The following MAP3K5 variants were observed in gnomAD, a reference collection of about 807,000 sequenced individuals.
MAP3K5 encodes the protein mitogen-activated protein kinase kinase kinase 5.
Under a neutral mutation model 158.7 loss-of-function variants are expected in MAP3K5, and 56 were observed. The observed-to-expected ratio is 0.35, with a 90% CI of 0.28 to 0.44. The LOEUF (loss-of-function observed/expected upper bound fraction) is 0.44, where lower values mean the gene tolerates loss of function less well. Among genes scored for constraint, MAP3K5 ranks in the 20% least tolerant of loss-of-function variants. The probability of loss-of-function intolerance (pLI) is 1.00; values close to 1 mark genes in which losing one functional copy is unlikely to be tolerated. For synonymous variants in MAP3K5, 579 were observed against 601.7 expected (o/e 0.96, Z 0.55); for missense variants, 1,294 against 1,674.8 (o/e 0.77, Z 3.97).
At chr6:136,678,193 G>A (rs1260676049) in intron 7 of MAP3K5, among the ~76,000 whole-genome samples, 2 of 151,876 alleles carry the variant, frequency 1.3e-5, no homozygotes, top group Non-Finnish European at 2.9e-5. Flanking sequence ...GAATTAAACA[G>A]GAAAAATAAA....
chr6:136,641,922 A>C (rs572531866), intron 12 of MAP3K5, among the ~76,000 whole-genome samples: 2 of 151,554 alleles, frequency 1.3e-5, no homozygotes, highest in East Asian at 3.9e-4. Context: ...TGGGAGGCGG[A>C]GGTTGCAGTG....
At chr6:136,701,837 A>C (rs1378812390) in intron 3 of MAP3K5, among the ~76,000 whole-genome samples, 1 of 152,246 alleles carries the variant, frequency 6.6e-6, no homozygotes, top group Non-Finnish European at 1.5e-5. Flanking sequence ...TCAGAGTTTT[A>C]GCTGCTGGAT....
chr6:136,565,579 A>G (rs1421003603), intron 26 of MAP3K5, among the ~76,000 whole-genome samples: 1 of 152,208 alleles, frequency 6.6e-6, no homozygotes, highest in South Asian at 2.1e-4. Context: ...ATCAGTGATC[A>G]TCCTAAATAT....
At chr6:136,605,425 G>A in intron 18 of MAP3K5, 59 bp from the exon 19 acceptor site, 1 of 1,425,578 alleles carries the variant, frequency 7.0e-7, no homozygotes, top group Non-Finnish European at 9.5e-7. Flanking sequence ...GGTATCTAAT[G>A]ACAGTTTTTC....
chr6:136,644,947 C>T (rs1778174806), intron 11 of MAP3K5, among the ~76,000 whole-genome samples: 1 of 152,088 alleles, frequency 6.6e-6, no homozygotes, highest in South Asian at 2.1e-4. Flanking sequence ...AATCACCCCA[C>T]CTCAAAATTT....
chr6:136,562,566 G>T lies in MAP3K5; in HGVS notation c.3811C>A (p.His1271Asn). 1 of 1,604,830 alleles carries T rather than the reference G, an allele frequency of 6.2e-7. No homozygotes were observed. The highest frequency in any genetic ancestry group is 8.5e-7 in the Non-Finnish European group (1 of 1,175,660). The change falls in exon 27 of 30, where the codon CAT (histidine) becomes AAT (asparagine). Residue 1271 changes from histidine to asparagine, a missense_variant. Around this residue, in one of 5 missense-constraint regions of MAP3K5, gnomAD observed 199 missense variants for 220.3 expected, o/e 0.90. Transcript: ENST00000359015. ...RKEKELQALL[H>N]RAIEEKDQEI... ...TGGTCTTTTTCTTCAATAGCTCGAT[G>T]AAGGAGTGCTTGTAATTCTTTCTCT... is the stretch of plus-strand genomic sequence containing the variant.
At chr6:136,686,023 T>C (rs1376079410) in intron 7 of MAP3K5, among the ~76,000 whole-genome samples, 1 of 152,122 alleles carries the variant, frequency 6.6e-6, no homozygotes, top group Non-Finnish European at 1.5e-5. Flanking sequence ...AATACCAAAA[T>C]AGCTTTATAA....
intron 1 of MAP3K5, among the ~76,000 whole-genome samples, chr6:136,756,198 G>C (rs1783472628): frequency 6.6e-6 from 1 of 151,632 alleles, no homozygotes; most frequent in Admixed American, 6.6e-5. Context: ...CATGCCTGTA[G>C]TCCTAGCTAC....
At position 136,611,599 on chromosome 6, in the gene MAP3K5, C is replaced by G. The variant is rs571905572; in HGVS notation, c.2416-212G>C. On this transcript the variant is annotated intron_variant, in intron 17 of 29. Transcript: ENST00000359015. ...ATCAGTTTGAAACCAACCGCCTTTG[C>G]GAAAATTACAACAGTGAGAAAATTA... 1.2e-4 allele frequency among the ~76,000 whole-genome samples: 19 copies of G among 152,300 alleles called. No homozygotes were observed. The East Asian group carries it at 3.3e-3, about 26-fold the overall frequency.
At chr6:136,565,249 A>G (rs1401779307) in intron 26 of MAP3K5, among the ~76,000 whole-genome samples, 4 of 152,234 alleles carry the variant, frequency 2.6e-5, no homozygotes, top group Non-Finnish European at 5.9e-5. Context: ...GTGTTTATTT[A>G]GCAGGGCAAT....
At chr6:136,577,315 T>C (rs375818677) in intron 25 of MAP3K5, among the ~76,000 whole-genome samples, 7 of 152,240 alleles carry the variant, frequency 4.6e-5, no homozygotes, top group Non-Finnish European at 4.4e-5. Context: ...TTTGTCCACA[T>C]AATTCATCAT....
chr6:136,625,757 C>T (rs1403216737), intron 14 of MAP3K5, among the ~76,000 whole-genome samples: 1 of 151,928 alleles, frequency 6.6e-6, no homozygotes, highest in Non-Finnish European at 1.5e-5. Context: ...ACTCACAATC[C>T]AAAAAATATA....
At chr6:136,579,789 T>C (rs1272581356) in intron 25 of MAP3K5, 1 of 456,140 alleles carries the variant, frequency 2.2e-6, no homozygotes, top group Admixed American at 2.4e-5. Context: ...AATCTTAAAC[T>C]GCTCTAAAAG....
chr6:136,720,716 A>C, intron 1 of MAP3K5, 127 bp from the exon 2 acceptor site: 1 of 693,870 alleles, frequency 1.4e-6, no homozygotes, highest in South Asian at 2.2e-5. Flanking sequence ...TTCTCTCTTC[A>C]TTTATCACTG....
chr6:136,781,501 C>A (rs558359208), intron 1 of MAP3K5, among the ~76,000 whole-genome samples: 3 of 152,294 alleles, frequency 2.0e-5, no homozygotes, highest in South Asian at 2.1e-4. Flanking sequence ...TTTTTCACTG[C>A]AGGTGGAACG....
rs568427276 is a variant in MAP3K5 at position 136,662,073 on chromosome 6, T to C, written c.1367-2695A>G. On this transcript the variant is annotated intron_variant, in intron 8 of 29. Coordinates refer to ENST00000359015, the MANE Select transcript of MAP3K5 (RefSeq NM_005923.4). ...GTGGCCATTTTTATTACTCTAAACA[T>C]TCTTGTACACACAGCTTTGTGTATT... Among the ~76,000 whole-genome samples, 89 of 152,374 alleles carry C rather than the reference T, an allele frequency of 5.8e-4. 2 individuals are homozygous for C. The highest frequency in any genetic ancestry group is 2.0e-3 in the African/African-American group (85 of 41,594).
chr6:136,663,389 G>A (rs149801736), intron 8 of MAP3K5, among the ~76,000 whole-genome samples: 33 of 152,058 alleles, frequency 2.2e-4, no homozygotes, highest in Middle Eastern at 6.8e-3. Flanking sequence ...ATGACATTCC[G>A]CTCTGAAATA....
intron 21 of MAP3K5, among the ~76,000 whole-genome samples, chr6:136,599,770 A>G (rs981552096): frequency 6.6e-6 from 1 of 152,204 alleles, no homozygotes; most frequent in Non-Finnish European, 1.5e-5. Context: ...AAGTGGGTCA[A>G]TGGGATCAGA....
chr6:136,590,035 T>G (rs1321613702), intron 23 of MAP3K5, among the ~76,000 whole-genome samples: 3 of 152,164 alleles, frequency 2.0e-5, no homozygotes, highest in Non-Finnish European at 4.4e-5. Context: ...CATGAAGGGA[T>G]TAATGCAGTT....
Sources: gnomAD v4.1 joint callset for allele counts (sites outside exome capture counted in the v4.1 genomes callset) on GRCh38, gnomAD v4.1.1 for gene constraint, gnomAD v4.1.1 regional missense constraint, MANE v1.5 for transcripts, NCBI Gene and HGNC (gene_info 2026-07-23, HGNC 2026-07-21) for gene names.